The following ASIC2 variants were observed in gnomAD, a reference collection of about 807,000 sequenced individuals.
ASIC2 encodes acid sensing ion channel subunit 2, also known as acid-sensing ion channel 2.
A neutral mutation model predicts 57.3 loss-of-function variants in ASIC2; 25 were observed. The observed-to-expected ratio is 0.44, with a 90% CI of 0.32 to 0.61. ASIC2 has a LOEUF of 0.61. ASIC2 is among the 20% of genes least tolerant of loss of function. The pLI is 0.06. For missense variants in ASIC2, 641 were observed against 738.1 expected (o/e 0.87, Z 1.52); for synonymous variants, 319 against 307.5 (o/e 1.04, Z -0.39).
intron 1 of ASIC2, among the ~76,000 whole-genome samples, chr17:33,164,803 C>T (rs1164215868): frequency 6.6e-6 from 1 of 152,134 alleles, no homozygotes; most frequent in Non-Finnish European, 1.5e-5. Context: ...ATGCCCCTTG[C>T]CTTGCCCATG....
intron 1 of ASIC2, among the ~76,000 whole-genome samples, chr17:33,783,311 T>C (rs930008122): frequency 6.6e-6 from 1 of 152,250 alleles, no homozygotes; most frequent in East Asian, 1.9e-4. Flanking sequence ...TGACACTTAC[T>C]AATCCTGGTG....
chr17:33,863,690 C>T (rs759073041), intron 1 of ASIC2, among the ~76,000 whole-genome samples: 1 of 152,188 alleles, frequency 6.6e-6, no homozygotes, highest in Non-Finnish European at 1.5e-5. Flanking sequence ...GCTCAGTTCT[C>T]TGTCAGTCCA....
chr17:33,142,404 C>T (rs529231158), intron 1 of ASIC2, among the ~76,000 whole-genome samples: 1 of 152,178 alleles, frequency 6.6e-6, no homozygotes, highest in African/African-American at 2.4e-5. Context: ...TCTTATCACC[C>T]AGCTGCTTCT....
intron 1 of ASIC2, among the ~76,000 whole-genome samples, chr17:33,522,920 C>T (rs1914785061): frequency 6.6e-6 from 1 of 152,086 alleles, no homozygotes; most frequent in Non-Finnish European, 1.5e-5. Context: ...CAGGGCAACC[C>T]CTGGCTCCCC....
chr17:33,223,210 G>A (rs1907749200), intron 1 of ASIC2, among the ~76,000 whole-genome samples: 1 of 150,672 alleles, frequency 6.6e-6, no homozygotes, highest in South Asian at 2.1e-4. Context: ...TTTAGAAGGA[G>A]TCTCTCTCTG....
intron 1 of ASIC2, among the ~76,000 whole-genome samples, chr17:33,224,633 T>A (rs1189472281): frequency 6.6e-6 from 1 of 152,190 alleles, no homozygotes; most frequent in Non-Finnish European, 1.5e-5. Flanking sequence ...CTTTGAGCCA[T>A]TTTATCGAAT....
intron 1 of ASIC2, among the ~76,000 whole-genome samples, chr17:33,275,950 G>A (rs909137172): frequency 4.6e-5 from 7 of 152,192 alleles, no homozygotes; most frequent in African/African-American, 1.7e-4. Context: ...GCCTTATCTT[G>A]TAGGCAGCAC....
chr17:33,314,596 T>C (rs1209748344), intron 1 of ASIC2, among the ~76,000 whole-genome samples: 1 of 152,204 alleles, frequency 6.6e-6, no homozygotes, highest in Non-Finnish European at 1.5e-5. Flanking sequence ...TAACATGGAT[T>C]TGATGTCAGG....
At chr17:33,458,485 G>A (rs183910002) in intron 1 of ASIC2, among the ~76,000 whole-genome samples, 10 of 152,326 alleles carry the variant, frequency 6.6e-5, no homozygotes, top group Admixed American at 6.5e-4. Context: ...ACCATAATGG[G>A]CTCTGAAGTT....
At chr17:33,979,360 G>A (rs1387321062) in intron 1 of ASIC2, among the ~76,000 whole-genome samples, 1 of 152,088 alleles carries the variant, frequency 6.6e-6, no homozygotes, top group African/African-American at 2.4e-5. Context: ...CAGTTGCCAG[G>A]GAGTGAGGCC....
chr17:33,015,353 C>T (rs2091800270), intron 9 of ASIC2, among the ~76,000 whole-genome samples: 1 of 152,118 alleles, frequency 6.6e-6, no homozygotes. Context: ...GAGGGGCTGC[C>T]CTCGGGCTAT....
intron 1 of ASIC2, among the ~76,000 whole-genome samples, chr17:33,587,111 C>T (rs538707125): frequency 3.3e-5 from 5 of 152,344 alleles, no homozygotes; most frequent in Non-Finnish European, 7.4e-5. Context: ...ACAGCCTATT[C>T]ACTTACATAT....
In ASIC2 at chr17:33,292,852, A is replaced by G. The variant is rs1019018974; in HGVS notation, c.-737T>C. 1.0e-5 allele frequency: 10 copies of G among 985,260 alleles called. No homozygotes were observed. The highest frequency in any genetic ancestry group is 1.2e-5 in the Non-Finnish European group (10 of 829,974). The allele number at this position is 985,260 out of a possible 1,614,324, so 61.0% of individuals were successfully genotyped here. ...TTAGGCTTCCCCAAGTCCTGCGCCT[A>G]AGTCCTGCCAGGCGCCCGCTCTCGC... On this transcript the variant is annotated 5_prime_UTR_variant, in exon 1 of 10. Coordinates refer to ENST00000225823, the MANE Select transcript of ASIC2 (RefSeq NM_183377.2).
At chr17:34,050,864 G>T (rs1170702560) in intron 1 of ASIC2, among the ~76,000 whole-genome samples, 1 of 152,214 alleles carries the variant, frequency 6.6e-6, no homozygotes, top group Non-Finnish European at 1.5e-5. Context: ...GATGGCCAGG[G>T]TTTCAGCTCT....
chr17:33,278,628 G>A (rs1346167582), intron 1 of ASIC2, among the ~76,000 whole-genome samples: 2 of 152,140 alleles, frequency 1.3e-5, no homozygotes, highest in East Asian at 1.9e-4. Context: ...ATCTGGATGA[G>A]AGCTCTGTGA....
At chr17:34,046,399 G>A (rs1908337699) in intron 1 of ASIC2, among the ~76,000 whole-genome samples, 1 of 152,180 alleles carries the variant, frequency 6.6e-6, no homozygotes, top group Non-Finnish European at 1.5e-5. Flanking sequence ...TTTGGGTTGT[G>A]CAATAGTACT....
intron 1 of ASIC2, among the ~76,000 whole-genome samples, chr17:34,111,165 G>A (rs1219460294): frequency 1.3e-5 from 2 of 151,832 alleles, no homozygotes; most frequent in African/African-American, 2.4e-5. Flanking sequence ...GGCAGAAGTT[G>A]CAGTGAGCGG....
intron 2 of ASIC2, among the ~76,000 whole-genome samples, chr17:33,103,114 A>G (rs540794659): frequency 6.6e-6 from 1 of 152,266 alleles, no homozygotes; most frequent in African/African-American, 2.4e-5. Context: ...TTCTTCTCTG[A>G]AATTTCCTTT....
intron 3 of ASIC2, among the ~76,000 whole-genome samples, chr17:33,031,585 G>A (rs907141725): frequency 8.5e-5 from 13 of 152,072 alleles, no homozygotes; most frequent in Admixed American, 2.6e-4. Flanking sequence ...AACTGTTGGC[G>A]TACTGTTTTA....
Sources: gnomAD v4.1 joint callset for allele counts (sites outside exome capture counted in the v4.1 genomes callset) on GRCh38, gnomAD v4.1.1 for gene constraint, MANE v1.5 for transcripts, NCBI Gene and HGNC (gene_info 2026-07-23, HGNC 2026-07-21) for gene names.